ARHGEF33: variants seen among roughly 807,000 people sequenced by gnomAD.
The protein encoded by ARHGEF33 is DH and coiled-coil domain-containing protein ENSP00000381780.
In ARHGEF33, 72 loss-of-function variants were observed where a neutral mutation model predicts 101.9. That is an observed-to-expected ratio of 0.71 (90% CI 0.58 to 0.86). The LOEUF is 0.86. Among genes scored for constraint, ARHGEF33 ranks in the 40% least tolerant of loss-of-function variants. The pLI is 0.00. For missense variants in ARHGEF33, 1,169 were observed against 1,111.3 expected (o/e 1.05, Z -0.74); for synonymous variants, 499 against 442.5 (o/e 1.13, Z -1.60).
At chr2:38,922,536 T>C (rs949145046) in intron 4 of ARHGEF33, among the ~76,000 whole-genome samples, 1 of 152,198 alleles carries the variant, frequency 6.6e-6, no homozygotes, top group Non-Finnish European at 1.5e-5. Context: ...TTAACCATAT[T>C]GTCCCTAGAC....
In ARHGEF33 at chr2:38,935,772, C is replaced by G; in HGVS notation, c.506-3C>G. ...CTGAATGAATGCTTTCCTTTCTCTGCAGCCCAAGAGTCCAGATCTGTTCAT... is the reference window on the plus strand; with the variant it reads ...CTGAATGAATGCTTTCCTTTCTCTGGAGCCCAAGAGTCCAGATCTGTTCAT... On this transcript the variant is annotated splice_region_variant and splice_polypyrimidine_tract_variant and intron_variant, in intron 7 of 17. Transcript: ENST00000409978. The G allele has an allele frequency of 4.5e-6, 7 of 1,551,514 alleles. No homozygotes were observed. Among genetic ancestry groups the G allele is most frequent in the Non-Finnish European group, 5.2e-6 (6 of 1,146,616 alleles).
Position 38,908,397 on chromosome 2 carries a change from T to G in ARHGEF33, c.-85-10966T>G, listed in dbSNP as rs111646620. ...CCCTGGAAGTGACTTTCAGCCCTGA[T>G]CTGAAACTTTTGATAAGTTTTTATG... On this transcript the variant is annotated intron_variant, in intron 2 of 17. Transcript: ENST00000409978. Among the ~76,000 whole-genome samples the G allele has an allele frequency of 6.3e-3, 962 of 152,296 alleles. 13 individuals are homozygous for G. The highest frequency in any genetic ancestry group is 0.021 in the African/African-American group (888 of 41,576).
intron 17 of ARHGEF33, 97 bp from the exon 18 acceptor site, chr2:38,973,617 C>G: frequency 7.6e-7 from 1 of 1,311,836 alleles, no homozygotes; most frequent in Non-Finnish European, 1.0e-6. Flanking sequence ...TAGGAAGCAA[C>G]TGTTTTACAA....
intron 1 of ARHGEF33, among the ~76,000 whole-genome samples, chr2:38,892,485 G>A (rs1337811517): frequency 1.3e-5 from 2 of 152,070 alleles, no homozygotes; most frequent in Non-Finnish European, 2.9e-5. Context: ...CCGGGCAAAG[G>A]ATGAACAATG....
Position 38,893,325 on chromosome 2 carries a change from A to G in ARHGEF33, c.-158-2452A>G, listed in dbSNP as rs571541424. 4.6e-5 allele frequency among the ~76,000 whole-genome samples: 7 copies of G among 151,974 alleles called. No homozygotes were observed. In the South Asian group the frequency reaches 1.5e-3, roughly 32 times the overall value. On this transcript the variant is annotated intron_variant, in intron 1 of 17. Coordinates refer to ENST00000409978, the MANE Select transcript of ARHGEF33 (RefSeq NM_001145451.5). ...TTACAGGCACCCGCCACCATGGGCT[A>G]ATTTTTGTACTTTTAGTAGAGACAG...
At chr2:38,895,261 T>A (rs773101057) in intron 1 of ARHGEF33, among the ~76,000 whole-genome samples, 4 of 152,256 alleles carry the variant, frequency 2.6e-5, no homozygotes, top group Non-Finnish European at 5.9e-5. Flanking sequence ...AATCACAGAA[T>A]GTTTTCTAAA....
intron 15 of ARHGEF33, chr2:38,959,548 G>A (rs896718210): frequency 9.3e-6 from 3 of 322,712 alleles, no homozygotes; most frequent in Non-Finnish European, 1.7e-5. Flanking sequence ...TTGGAGCACC[G>A]CAGGTGGTGA....
chr2:38,959,867 G>A lies in ARHGEF33; in HGVS notation c.1562G>A (p.Ser521Asn). 1 of 1,550,562 alleles carries A rather than the reference G, an allele frequency of 6.4e-7. No individual in the cohort carries two copies. The highest frequency in any genetic ancestry group is 8.7e-7 in the Non-Finnish European group (1 of 1,146,012). Residue 521 changes from serine (S) to asparagine (N), a missense_variant, in exon 16 of 18, where the codon AGC (serine) becomes AAC (asparagine). Physicochemically the swap from Ser to Asn is conservative, Grantham distance 46. Transcript: ENST00000409978. ...ITHLMPPVKK[S>N]QQQQSLMESM... Reference sequence around the variant, plus strand: ...CATCTGATGCCCCCAGTGAAGAAAAGCCAACAGCAGCAAAGCCTGATGGAG... The same window carrying A: ...CATCTGATGCCCCCAGTGAAGAAAAACCAACAGCAGCAAAGCCTGATGGAG...
intron 10 of ARHGEF33, among the ~76,000 whole-genome samples, chr2:38,949,415 C>G (rs1354067944): frequency 2.0e-5 from 3 of 152,018 alleles, no homozygotes; most frequent in South Asian, 2.1e-4. Context: ...TTTTCTTCCT[C>G]TTTTCTATAG....
At chr2:38,909,556 C>G (rs1043532924) in intron 2 of ARHGEF33, among the ~76,000 whole-genome samples, 1 of 141,678 alleles carries the variant, frequency 7.1e-6, no homozygotes, top group African/African-American at 2.6e-5. Context: ...CCAGGCTGGT[C>G]TCAAACTTCT....
intron 10 of ARHGEF33, among the ~76,000 whole-genome samples, chr2:38,945,876 G>A (rs980446889): frequency 1.3e-5 from 2 of 152,152 alleles, no homozygotes; most frequent in African/African-American, 4.8e-5. Flanking sequence ...AAGGAACTAA[G>A]GCCCAGAGAA....
At chr2:38,890,858 C>T (rs1356480294) in intron 1 of ARHGEF33, among the ~76,000 whole-genome samples, 1 of 151,782 alleles carries the variant, frequency 6.6e-6, no homozygotes, top group Non-Finnish European at 1.5e-5. Context: ...ACATTTTTCA[C>T]AAACTGAATT....
At chr2:38,907,468 G>C (rs933150559) in intron 2 of ARHGEF33, among the ~76,000 whole-genome samples, 1 of 152,196 alleles carries the variant, frequency 6.6e-6, no homozygotes, top group Non-Finnish European at 1.5e-5. Flanking sequence ...GCAGTAACCT[G>C]GTTTCCCCTC....
chr2:38,936,486 A>G (rs1401755306), intron 8 of ARHGEF33, among the ~76,000 whole-genome samples: 1 of 152,178 alleles, frequency 6.6e-6, no homozygotes, highest in African/African-American at 2.4e-5. Context: ...GTCAATACAT[A>G]CTATAAATTA....
chr2:38,951,310 C>T (rs907305501), intron 11 of ARHGEF33, among the ~76,000 whole-genome samples, 189 bp downstream of exon 11: 1 of 152,154 alleles, frequency 6.6e-6, no homozygotes, highest in African/African-American at 2.4e-5. Context: ...TTGCTGAAAT[C>T]ACCCCGCTAG....
chr2:38,935,286 T>G (rs1288768329), intron 7 of ARHGEF33, among the ~76,000 whole-genome samples: 1 of 147,170 alleles, frequency 6.8e-6, no homozygotes, highest in Non-Finnish European at 1.5e-5. Flanking sequence ...GTTCAAGCGA[T>G]CCTCCTATTT....
intron 14 of ARHGEF33, among the ~76,000 whole-genome samples, chr2:38,957,454 A>T (rs2124419744): frequency 6.6e-6 from 1 of 152,388 alleles, no homozygotes; most frequent in Non-Finnish European, 1.5e-5. Context: ...AGTGAAAGGA[A>T]CAAAATGGCC....
At chr2:38,945,111 A>C (rs1399655539) in intron 10 of ARHGEF33, among the ~76,000 whole-genome samples, 1 of 152,196 alleles carries the variant, frequency 6.6e-6, no homozygotes, top group African/African-American at 2.4e-5. Flanking sequence ...ATCCAAAAGA[A>C]TGGAAAGTCT....
At chr2:38,953,604 C>T (rs535772958) in intron 12 of ARHGEF33, among the ~76,000 whole-genome samples, 1 of 152,274 alleles carries the variant, frequency 6.6e-6, no homozygotes, top group Non-Finnish European at 1.5e-5. Context: ...CTTCAGTCAT[C>T]CTTTGTCAGT....
Sources: allele counts gnomAD v4.1 joint callset (sites outside exome capture counted in the v4.1 genomes callset), GRCh38; gene constraint gnomAD v4.1.1; transcripts MANE v1.5; gene names NCBI Gene and HGNC (gene_info 2026-07-23, HGNC 2026-07-21).